Variants in THOP1 observed in about 807,000 individuals in gnomAD.
THOP1 encodes thimet oligopeptidase 1.
In THOP1, 49 loss-of-function variants were observed where a neutral mutation model predicts 71.8. The observed-to-expected ratio is 0.68, with a 90% CI of 0.54 to 0.87. The LOEUF is 0.87. THOP1 is among the 40% of genes least tolerant of loss of function. The pLI, the probability that THOP1 is intolerant of heterozygous loss-of-function variation, is 0.00. For synonymous variants in THOP1, 426 were observed against 421.5 expected (o/e 1.01, Z -0.13); for missense variants, 843 against 975.6 (o/e 0.86, Z 1.81).
intron 8 of THOP1, 27 bp downstream of exon 8, chr19:2,807,835 G>A (rs1336732167): frequency 1.4e-6 from 2 of 1,432,130 alleles, no homozygotes; most frequent in Non-Finnish European, 1.8e-6. Context: ...GGGGCGGGGG[G>A]CGCACCCCGG....
At position 2,814,897 on chromosome 19, in the gene THOP1, TA is replaced by T. The variant is rs1568328639; in HGVS notation, c.*1629del. ...GGGCAACGTGGCAAGACCCCATCTC[TA>T]AAAAAAATAAGTTCGGTGGGTGTGG... On this transcript the variant is annotated 3_prime_UTR_variant, in exon 13 of 13. Transcript: ENST00000307741. 6.6e-6 allele frequency: 1 copy of T among 151,934 alleles called. No individual in the cohort carries two copies. The allele number at this position is 151,934 out of a possible 1,614,324, so 9.4% of individuals were successfully genotyped here.
chr19:2,789,177 C>T (rs1039148080), intron 1 of THOP1, among the ~76,000 whole-genome samples: 1 of 152,130 alleles, frequency 6.6e-6, no homozygotes, highest in South Asian at 2.1e-4. Flanking sequence ...GTTTGTTGGC[C>T]CCCTGGGTCC....
chr19:2,794,846 G>A lies in THOP1; in HGVS notation c.312G>A (p.Lys104=). The A allele has an allele frequency of 6.2e-7, 1 of 1,614,038 alleles. No individual in the cohort carries two copies. Among genetic ancestry groups the A allele is most frequent in the Non-Finnish European group, 8.5e-7 (1 of 1,179,978 alleles). Residue 104 remains lysine (K), a synonymous_variant, in exon 3 of 13, where the codon AAG becomes AAA. Transcript: ENST00000307741. The stretch of plus-strand genomic sequence containing the variant: ...CAGCCAGCACAGAGGCCGACAAGAA[G>A]CTCTCTGAGTTCGACGTGGAGATGA... ...IRTASTEADK[K]LSEFDVEMSM...
chr19:2,814,652 G>A lies in THOP1; in HGVS notation c.*1376G>A, dbSNP rs569006029. On this transcript the variant is annotated 3_prime_UTR_variant, in exon 13 of 13. Coordinates refer to ENST00000307741, the MANE Select transcript of THOP1 (RefSeq NM_003249.5). Reference sequence around the variant, plus strand: ...GCTTCTGTGTCTTTCCAACTCTGGGGGCTAAGGGGTGAGTCTTGTCTTTGC... The same window carrying A: ...GCTTCTGTGTCTTTCCAACTCTGGGAGCTAAGGGGTGAGTCTTGTCTTTGC... 2.7e-4 allele frequency: 41 copies of A among 153,000 alleles called. No individual in the cohort carries two copies. Among genetic ancestry groups the A allele is most frequent in the African/African-American group, 9.9e-4 (41 of 41,606 alleles). 9.5% of individuals were successfully genotyped at this position (153,000 alleles called of 1,614,324 possible). A position where few individuals can be genotyped will look rare whatever the true frequency, so the allele number is the denominator to read the frequency against.
intron 1 of THOP1, among the ~76,000 whole-genome samples, chr19:2,786,452 GGTC>G (rs1915744205): frequency 6.6e-6 from 1 of 151,986 alleles, no homozygotes; most frequent in Admixed American, 6.6e-5. Context: ...TGCCCAGGCT[GGTC>G]TTGAAGTCCT....
chr19:2,787,188 C>T (rs553569154), intron 1 of THOP1, among the ~76,000 whole-genome samples: 3 of 152,282 alleles, frequency 2.0e-5, no homozygotes, highest in East Asian at 3.9e-4. Flanking sequence ...CATGAGCCAC[C>T]GTGCCCGGCC....
At chr19:2,789,738 T>G (rs1368678135) in intron 1 of THOP1, among the ~76,000 whole-genome samples, 1 of 151,596 alleles carries the variant, frequency 6.6e-6, no homozygotes, top group African/African-American at 2.4e-5. Flanking sequence ...GTGTCTCCAC[T>G]CTAGGGCAGG....
intron 11 of THOP1, among the ~76,000 whole-genome samples, chr19:2,811,347 T>G (rs576795411): frequency 1.3e-5 from 2 of 152,326 alleles, no homozygotes; most frequent in East Asian, 3.9e-4. Context: ...ATGGGGACTT[T>G]GCTCTGTGGC....
chr19:2,789,697 C>T (rs1309592416), intron 1 of THOP1, among the ~76,000 whole-genome samples: 1 of 152,156 alleles, frequency 6.6e-6, no homozygotes, highest in Non-Finnish European at 1.5e-5. Context: ...TTGTGAACAC[C>T]CAGGGGTTTG....
At chr19:2,806,540 A>C in intron 6 of THOP1, 1 of 269,134 alleles carries the variant, frequency 3.7e-6, no homozygotes, top group Non-Finnish European at 7.1e-6. Context: ...CTCAGAAGTG[A>C]GGCTGTGTGC....
intron 1 of THOP1, chr19:2,786,886 C>T (rs1045523772): frequency 2.0e-5 from 3 of 151,938 alleles, no homozygotes; most frequent in African/African-American, 4.8e-5. Flanking sequence ...GCCTCAGCCT[C>T]CTGAGTAGCT....
At chr19:2,791,175 T>C (rs1915870357) in intron 2 of THOP1, among the ~76,000 whole-genome samples, 1 of 152,172 alleles carries the variant, frequency 6.6e-6, no homozygotes, top group Non-Finnish European at 1.5e-5. Context: ...CCTCCTCTCC[T>C]TGGGGTCCCT....
At chr19:2,799,840 G>A (rs1324242619) in intron 5 of THOP1, 49 bp downstream of exon 5, 9 of 1,532,042 alleles carry the variant, frequency 5.9e-6, no homozygotes, top group Non-Finnish European at 8.1e-6. Context: ...CTGGGACTCA[G>A]TGCAGGCCTG....
At chr19:2,806,881 C>T (rs370679872) in intron 6 of THOP1, 36 bp from the exon 7 acceptor site, 9 of 1,611,556 alleles carry the variant, frequency 5.6e-6, no homozygotes, top group African/African-American at 4.0e-5. Context: ...GAGGGAGTGG[C>T]GCCCCTGGGT....
intron 1 of THOP1, 104 bp from the exon 2 acceptor site, chr19:2,790,316 TG>T: frequency 8.9e-7 from 1 of 1,124,946 alleles, no homozygotes; most frequent in Non-Finnish European, 1.2e-6. Flanking sequence ...CTCACTCTTC[TG>T]GATGAGAAGC....
chr19:2,810,634 G>A lies in THOP1; in HGVS notation c.1643-6G>A, dbSNP rs191147846. On this transcript the variant is annotated splice_polypyrimidine_tract_variant and splice_region_variant and intron_variant, in intron 10 of 12. Transcript: ENST00000307741. ...GAGGCCAGCTCTCTCCTTCCCTCCC[G>A]CCCAGGCCTCTTCAACCTGCGCCAG... The A allele has an allele frequency of 2.8e-5, 44 of 1,550,306 alleles. No individual in the cohort carries two copies. In the South Asian group the frequency reaches 3.0e-4, roughly 10 times the overall value.
chr19:2,791,655 G>T (rs59303624), intron 2 of THOP1, among the ~76,000 whole-genome samples: 2 of 152,240 alleles, frequency 1.3e-5, no homozygotes, highest in African/African-American at 2.4e-5. Context: ...TGTCCCTCCC[G>T]TAGGAGTCTC....
At chr19:2,789,023 A>G (rs566624494) in intron 1 of THOP1, among the ~76,000 whole-genome samples, 1 of 152,324 alleles carries the variant, frequency 6.6e-6, no homozygotes, top group African/African-American at 2.4e-5. Flanking sequence ...GGCCTCCCAA[A>G]GTGCTGGGAT....
rs1446398617 is a variant in THOP1 at position 2,810,353 on chromosome 19, A to G, written c.1505A>G (p.Glu502Gly). ...ACCCACGTGGAGCGGGACTTTGTGG[A>G]GGCGCCGTCGCAGATGCTGGAGAAC... ...SGTHVERDFV[E>G]APSQMLENWV... Residue 502 changes from glutamate (E) to glycine (G), a missense_variant, in exon 10 of 13, where the codon GAG becomes GGG. Coordinates refer to ENST00000307741, the MANE Select transcript of THOP1 (RefSeq NM_003249.5). 2 of 1,611,578 alleles carry G rather than the reference A, an allele frequency of 1.2e-6. No homozygotes were observed. The highest frequency in any genetic ancestry group is 4.5e-5 in the East Asian group (2 of 44,876).
Sources: gnomAD v4.1 joint callset for allele counts (sites outside exome capture counted in the v4.1 genomes callset) on GRCh38, gnomAD v4.1.1 for gene constraint, MANE v1.5 for transcripts, NCBI Gene and HGNC (gene_info 2026-07-23, HGNC 2026-07-21) for gene names.